Variants in HMOX2 observed in about 807,000 individuals in gnomAD.
HMOX2 encodes the protein heme oxygenase (decycling) 2.
In HMOX2, 30 loss-of-function variants were observed where a neutral mutation model predicts 33.7. The observed-to-expected ratio is 0.89, with a 90% CI of 0.67 to 1.21. HMOX2 has a LOEUF of 1.21. Ranked by LOEUF, HMOX2 falls within the 50% of genes most tolerant of loss-of-function variation. The pLI, the probability that HMOX2 is intolerant of heterozygous loss-of-function variation, is 0.00. For synonymous variants in HMOX2, 155 were observed against 155.0 expected (o/e 1.00, Z 0.00); for missense variants, 403 against 399.1 (o/e 1.01, Z -0.08).
At chr16:4,475,260 A>G (rs2057786277), upstream of HMOX2, among the ~76,000 whole-genome samples, 1 of 149,218 alleles carries the variant, frequency 6.7e-6, no homozygotes, top group Non-Finnish European at 1.5e-5. Flanking sequence ...GCCCTAACTC[A>G]CTTCTGAAGT....
At chr16:4,478,532 C>G (rs1018071668) in intron 1 of HMOX2, among the ~76,000 whole-genome samples, 5 of 151,916 alleles carry the variant, frequency 3.3e-5, no homozygotes, top group African/African-American at 1.2e-4. Context: ...GGGCGGATCA[C>G]CTGAGGTCGG....
intron 1 of HMOX2, among the ~76,000 whole-genome samples, chr16:4,503,443 C>T (rs1045607818): frequency 7.2e-5 from 11 of 152,202 alleles, no homozygotes; most frequent in Non-Finnish European, 8.8e-5. Flanking sequence ...GTGCATCGTA[C>T]AGTTCATCAG....
intron 1 of HMOX2, among the ~76,000 whole-genome samples, chr16:4,494,082 C>T (rs1025943341): frequency 7.9e-5 from 12 of 151,936 alleles, no homozygotes; most frequent in Non-Finnish European, 1.5e-4. Context: ...TTTGGGAGGC[C>T]GAGGCGGGTG....
At chr16:4,494,922 C>G (rs1369451451) in intron 1 of HMOX2, among the ~76,000 whole-genome samples, 1 of 151,858 alleles carries the variant, frequency 6.6e-6, no homozygotes, top group South Asian at 2.1e-4. Flanking sequence ...CCTGTAATCA[C>G]AGCACTTTGG....
intron 1 of HMOX2, among the ~76,000 whole-genome samples, chr16:4,486,996 A>C (rs1341609194): frequency 6.6e-6 from 1 of 152,152 alleles, no homozygotes; most frequent in Non-Finnish European, 1.5e-5. Flanking sequence ...GTGGTGGCCC[A>C]CGCCTGTAAT....
At chr16:4,478,858 GA>G (rs1567376649) in intron 1 of HMOX2, among the ~76,000 whole-genome samples, 1 of 151,476 alleles carries the variant, frequency 6.6e-6, no homozygotes, top group Non-Finnish European at 1.5e-5. Flanking sequence ...GGAAAGAGAT[GA>G]AAAACTTGAC....
intron 1 of HMOX2, chr16:4,483,496 C>T (rs929835926): frequency 2.6e-5 from 4 of 152,124 alleles, no homozygotes; most frequent in East Asian, 3.8e-4. Context: ...GTGTCAGGAA[C>T]TGAGGTTAAA....
chr16:4,486,560 T>C (rs1319910363), intron 1 of HMOX2, among the ~76,000 whole-genome samples: 1 of 152,194 alleles, frequency 6.6e-6, no homozygotes. Flanking sequence ...GTCACGAACT[T>C]TTCAAGGAAC....
rs770633862 is a variant in HMOX2, at chr16:4,509,408, G to A, written c.697-4G>A. On this transcript the variant is annotated splice_polypyrimidine_tract_variant and splice_region_variant and intron_variant, in intron 4 of 5. Transcript: ENST00000570646. ...ATGGCTCAGTCGATCCTCTGCTCCT[G>A]CAGATATTCAATGAACTGGACCAGG... The A allele has an allele frequency of 8.1e-6, 13 of 1,613,740 alleles. No homozygotes were observed. The South Asian group carries it at 1.3e-4, about 16-fold the overall frequency.
chr16:4,497,785 A>AG (rs148550163), intron 1 of HMOX2, among the ~76,000 whole-genome samples: 20,379 of 151,928 alleles, frequency 0.13, 2,920 homozygotes, highest in African/African-American at 0.36. Flanking sequence ...TTTGAGATGG[A>AG]GGGGGTCTCA....
At chr16:4,501,943 G>C (rs1309093204) in intron 1 of HMOX2, among the ~76,000 whole-genome samples, 1 of 152,170 alleles carries the variant, frequency 6.6e-6, no homozygotes, top group East Asian at 1.9e-4. Flanking sequence ...ACAGATGGTA[G>C]TTGGTACTTT....
At position 4,509,822 on chromosome 16, in the gene HMOX2, C is replaced by T. The variant is rs1009578350; in HGVS notation, c.*66C>T. ...CCACTGGCCTACCCCTTTCTCCAGC[C>T]CTGACTAAACTACCACCTCAGGTGA... On this transcript the variant is annotated 3_prime_UTR_variant, in exon 6 of 6. Coordinates refer to ENST00000570646, the MANE Select transcript of HMOX2 (RefSeq NM_002134.4). 3.3e-6 allele frequency: 5 copies of T among 1,524,034 alleles called. No homozygotes were observed. In the Admixed American group the frequency reaches 6.1e-5, roughly 18 times the overall value. 94.4% of individuals were successfully genotyped at this position (1,524,034 alleles called of 1,614,324 possible). A position where few individuals can be genotyped will look rare whatever the true frequency, so the allele number is the denominator to read the frequency against.
intron 1 of HMOX2, among the ~76,000 whole-genome samples, chr16:4,503,757 G>C (rs1173890691): frequency 3.9e-5 from 6 of 152,338 alleles, no homozygotes; most frequent in South Asian, 2.1e-4. Flanking sequence ...TAACAAAAAT[G>C]TAACTAGGTA....
chr16:4,481,898 G>A (rs946348445), intron 1 of HMOX2: 6 of 152,264 alleles, frequency 3.9e-5, no homozygotes, highest in Admixed American at 1.3e-4. Flanking sequence ...GGGCAGGAGG[G>A]AGAAGGGAAG....
chr16:4,484,814 T>C (rs2058126232), intron 1 of HMOX2, among the ~76,000 whole-genome samples: 1 of 152,222 alleles, frequency 6.6e-6, no homozygotes, highest in Non-Finnish European at 1.5e-5. Flanking sequence ...TATGCATATC[T>C]TCTGTATTCT....
At position 4,507,778 on chromosome 16, in the gene HMOX2, C is replaced by T. The variant is rs1215487685; in HGVS notation, c.270C>T (p.Asp90=). ...ALEEEMERNK[D]HPAFAPLYFP... is the part of the protein sequence containing the mutation. ...AGGAGGAAATGGAGCGCAACAAGGA[C>T]CATCCAGCCTTTGCCCCTTTGTACT... The change falls in exon 4 of 6, where the codon GAC becomes GAT. Residue 90 remains aspartate, a synonymous_variant. Transcript: ENST00000570646. 1.9e-6 allele frequency: 3 copies of T among 1,614,170 alleles called. No individual in the cohort carries two copies.
intron 1 of HMOX2, among the ~76,000 whole-genome samples, chr16:4,480,074 G>A (rs528459967): frequency 1.3e-5 from 2 of 151,280 alleles, no homozygotes; most frequent in African/African-American, 4.9e-5. Flanking sequence ...TTGAAACAGA[G>A]TCTGGCTCTT....
At chr16:4,496,955 C>T (rs2058437082) in intron 1 of HMOX2, among the ~76,000 whole-genome samples, 1 of 152,008 alleles carries the variant, frequency 6.6e-6, no homozygotes, top group African/African-American at 2.4e-5. Flanking sequence ...CCTCGGCCTC[C>T]CAAAGTACAG....
At chr16:4,498,776 C>T (rs1385714569) in intron 1 of HMOX2, among the ~76,000 whole-genome samples, 1 of 152,240 alleles carries the variant, frequency 6.6e-6, no homozygotes, top group African/African-American at 2.4e-5. Flanking sequence ...TTATGTATAA[C>T]ATTTCCTGAG....
Sources: gnomAD v4.1 joint callset for allele counts (sites outside exome capture counted in the v4.1 genomes callset) on GRCh38, gnomAD v4.1.1 for gene constraint, MANE v1.5 for transcripts, NCBI Gene and HGNC (gene_info 2026-07-23, HGNC 2026-07-21) for gene names.